The following MYLK variants were observed in gnomAD, a reference collection of about 807,000 sequenced individuals.
MYLK encodes the protein myosin light chain kinase, smooth muscle.
Under a neutral mutation model 203.4 loss-of-function variants are expected in MYLK, and 106 were observed. The observed-to-expected ratio is 0.52, with a 90% CI of 0.45 to 0.61. The LOEUF (loss-of-function observed/expected upper bound fraction) is 0.61, where lower values mean the gene tolerates loss of function less well. Ranked by LOEUF, MYLK falls within the 20% of genes least tolerant of loss-of-function variation. MYLK has a pLI of 0.00. For missense variants in MYLK, 2,072 were observed against 2,442.3 expected, an observed-to-expected ratio of 0.85 and a Z score of 3.20; for synonymous variants, 867 against 959.5, an observed-to-expected ratio of 0.90 and a Z score of 1.78.
intron 4 of MYLK, among the ~76,000 whole-genome samples, chr3:123,770,299 G>A (rs2108979854): frequency 6.6e-6 from 1 of 152,220 alleles, no homozygotes; most frequent in Non-Finnish European, 1.5e-5. Context: ...ATTCCAGCCT[G>A]GGCAATAAGA....
rs58424841 is a variant in MYLK, at chr3:123,670,196, A to ATG, written c.3653-3011_3653-3010dup. ...GTTAAATAGAAAGTTATAAAAAAAG[A>ATG]TGTTATTCAGTCAACGTGATGTGGC... On this transcript the variant is annotated intron_variant, in intron 20 of 33. Coordinates refer to ENST00000360304, the MANE Select transcript of MYLK (RefSeq NM_053025.4). 0.033 allele frequency among the ~76,000 whole-genome samples: 5,038 copies of ATG among 152,272 alleles called. 385 individuals are homozygous for ATG. In the East Asian group the frequency reaches 0.34, roughly 10 times the overall value.
At chr3:123,855,484 T>G (rs1403831056) in intron 2 of MYLK, among the ~76,000 whole-genome samples, 1 of 151,930 alleles carries the variant, frequency 6.6e-6, no homozygotes, top group Non-Finnish European at 1.5e-5. Context: ...AGATGAGGCC[T>G]CATCCTGTCA....
At chr3:123,863,812 T>C (rs1252176915) in intron 2 of MYLK, among the ~76,000 whole-genome samples, 1 of 152,132 alleles carries the variant, frequency 6.6e-6, no homozygotes, top group African/African-American at 2.4e-5. Context: ...AAACTAAACA[T>C]AGACTCATCT....
chr3:123,783,787 T>C (rs1299205311), intron 4 of MYLK, among the ~76,000 whole-genome samples: 1 of 152,224 alleles, frequency 6.6e-6, no homozygotes, highest in Non-Finnish European at 1.5e-5. Flanking sequence ...CTTTTTTTCT[T>C]TTAATTATTT....
chr3:123,677,910 TATATATATACACACAC>T (rs1208293734), intron 20 of MYLK, among the ~76,000 whole-genome samples: 1 of 99,614 alleles, frequency 1.0e-5, no homozygotes, highest in African/African-American at 4.0e-5. Flanking sequence ...TATATATATA[TATATATATACACACAC>T]ACACACACAG....
chr3:123,671,061 C>T (rs2059899558), intron 20 of MYLK, among the ~76,000 whole-genome samples: 1 of 152,158 alleles, frequency 6.6e-6, no homozygotes, highest in Admixed American at 6.5e-5. Flanking sequence ...TGATCAAGAT[C>T]CATGCAGAAA....
At chr3:123,851,694 G>A (rs565371039) in intron 2 of MYLK, among the ~76,000 whole-genome samples, 1 of 152,148 alleles carries the variant, frequency 6.6e-6, no homozygotes, top group Admixed American at 6.5e-5. Context: ...CTGCAAACAG[G>A]GACAATTTGA....
chr3:123,782,475 C>T (rs79891020), intron 4 of MYLK, among the ~76,000 whole-genome samples: 1 of 152,190 alleles, frequency 6.6e-6, no homozygotes, highest in Non-Finnish European at 1.5e-5. Context: ...TAGTGTCTTA[C>T]TTATTAACTT....
rs779212460 is a variant in MYLK, at chr3:123,725,955, C to T, written c.1640G>A (p.Trp547Ter). 1.2e-6 allele frequency: 2 copies of T among 1,613,996 alleles called. No individual in the cohort carries two copies. Among genetic ancestry groups the T allele is most frequent in the Admixed American group, 1.7e-5 (1 of 60,018 alleles). Residue 547 changes from tryptophan to a stop codon, truncating the protein, a stop_gained, in exon 12 of 34, where the codon TGG (tryptophan) becomes TAG (stop). Coordinates refer to ENST00000360304, the MANE Select transcript of MYLK (RefSeq NM_053025.4). LOFTEE classifies it high-confidence loss of function. ...CAGGGGGAACTCACCATTCAGCAGC[C>T]AAGTGATCCGGGGCACTGGGGTCCC... ...VRGTPVPRIT[W>*]LLNGQPIQYA...
intron 31 of MYLK, chr3:123,624,064 G>A (rs1473382907): frequency 1.3e-5 from 2 of 152,098 alleles, no homozygotes; most frequent in Non-Finnish European, 2.9e-5. Context: ...GCATAGGCTG[G>A]GCACTCAACA....
intron 7 of MYLK, 125 bp downstream of exon 7, chr3:123,738,772 T>G (rs1030449200): frequency 7.7e-7 from 1 of 1,296,480 alleles, no homozygotes; most frequent in Non-Finnish European, 1.1e-6. Context: ...TCCCCAGCCA[T>G]GTGGAACGGT....
chr3:123,620,198 C>A lies in MYLK; in HGVS notation c.5368+9G>T. The A allele has an allele frequency of 6.2e-7, 1 of 1,613,038 alleles. No individual in the cohort carries two copies. The highest frequency in any genetic ancestry group is 8.5e-7 in the Non-Finnish European group (1 of 1,179,188). On this transcript the variant is annotated intron_variant, in intron 32 of 33. Transcript: ENST00000360304. ...TTCTCACCAGCTGGCTGGAGAAACTCCTCCTTACCTTCAGATTCTAGTTTT... is the reference window on the plus strand; with the variant it reads ...TTCTCACCAGCTGGCTGGAGAAACTACTCCTTACCTTCAGATTCTAGTTTT...
chr3:123,828,008 G>T (rs954096463), intron 3 of MYLK, among the ~76,000 whole-genome samples: 11 of 151,412 alleles, frequency 7.3e-5, no homozygotes, highest in Non-Finnish European at 2.9e-5. Context: ...AAGTGGAAAC[G>T]CATCCTATGC....
intron 8 of MYLK, 185 bp downstream of exon 8, chr3:123,737,193 T>A: frequency 1.6e-6 from 1 of 629,208 alleles, no homozygotes; most frequent in South Asian, 1.9e-5. Flanking sequence ...CACTCCAGCA[T>A]GGGCGACAGA....
intron 2 of MYLK, among the ~76,000 whole-genome samples, chr3:123,849,721 C>CT (rs934790504): frequency 2.1e-4 from 31 of 150,980 alleles, no homozygotes; most frequent in African/African-American, 5.4e-4. Context: ...AAGAGATTTT[C>CT]TTTTTTTTTC....
intron 2 of MYLK, among the ~76,000 whole-genome samples, chr3:123,864,828 C>T (rs1269452485): frequency 3.3e-5 from 5 of 152,128 alleles, no homozygotes; most frequent in African/African-American, 1.2e-4. Flanking sequence ...ATCGTTTGAG[C>T]CCAGGAGTTC....
intron 2 of MYLK, among the ~76,000 whole-genome samples, chr3:123,876,306 A>G (rs2033147590): frequency 6.6e-6 from 1 of 152,210 alleles, no homozygotes; most frequent in African/African-American, 2.4e-5. Context: ...TTGAAATCAT[A>G]TGTAACTCTG....
rs984891955 is a variant in MYLK, at chr3:123,611,117, A to C, written c.*2988T>G. The C allele has an allele frequency of 2.6e-5, 4 of 152,248 alleles. No homozygotes were observed. Among genetic ancestry groups the C allele is most frequent in the Non-Finnish European group, 4.4e-5 (3 of 68,040 alleles). The allele number at this position is 152,248 out of a possible 1,614,324, so 9.4% of individuals were successfully genotyped here. ...CATTTGTGGATTGTGAGTGTCTTAA[A>C]AATGAAAACACTAAATATTTATTAA... On this transcript the variant is annotated 3_prime_UTR_variant, in exon 34 of 34. Coordinates refer to ENST00000360304, the MANE Select transcript of MYLK (RefSeq NM_053025.4).
intron 4 of MYLK, among the ~76,000 whole-genome samples, chr3:123,759,831 A>G (rs1328146572): frequency 6.6e-6 from 1 of 152,218 alleles, no homozygotes; most frequent in African/African-American, 2.4e-5. Flanking sequence ...TCCCAGAAGG[A>G]GGAAGCCATC....
Sources: gnomAD v4.1 joint callset for allele counts (sites outside exome capture counted in the v4.1 genomes callset) on GRCh38, gnomAD v4.1.1 for gene constraint, MANE v1.5 for transcripts, NCBI Gene and HGNC (gene_info 2026-07-23, HGNC 2026-07-21) for gene names.